Variants in RARG observed in about 807,000 individuals in gnomAD.
RARG encodes retinoic acid receptor gamma, also known as RAR-gamma.
RARG carries 17 observed loss-of-function variants against 43.7 expected under a neutral mutation model. The ratio of observed to expected loss-of-function variants is 0.39; its 90% CI spans 0.27 to 0.58. RARG has a LOEUF of 0.58. RARG is among the 20% of genes least tolerant of loss of function. The pLI, the probability that RARG is intolerant of heterozygous loss-of-function variation, is 0.57. For missense variants in RARG, 346 were observed against 598.7 expected, an observed-to-expected ratio of 0.58 and a Z score of 4.40; for synonymous variants, 238 against 236.4, an observed-to-expected ratio of 1.01 and a Z score of -0.06.
intron 5 of RARG, 22 bp from the exon 6 acceptor site, chr12:53,214,628 A>G: frequency 6.3e-7 from 1 of 1,588,838 alleles, no homozygotes; most frequent in South Asian, 1.1e-5. Flanking sequence ...AGGCGCAAGG[A>G]GAGGGTCAGG....
chr12:53,221,807 C>G (rs1332103227), intron 3 of RARG, among the ~76,000 whole-genome samples: 1 of 151,716 alleles, frequency 6.6e-6, no homozygotes, highest in East Asian at 1.9e-4. Context: ...GCGCCGCTCA[C>G]ACGGGCAGCG....
At chr12:53,222,938 C>G (rs1024532812) in intron 3 of RARG, among the ~76,000 whole-genome samples, 1 of 152,134 alleles carries the variant, frequency 6.6e-6, no homozygotes, top group Non-Finnish European at 1.5e-5. Context: ...TCACCCCCTT[C>G]CCTATGATCC....
intron 3 of RARG, among the ~76,000 whole-genome samples, chr12:53,224,848 C>G (rs1248438647): frequency 1.3e-5 from 2 of 152,170 alleles, no homozygotes; most frequent in Non-Finnish European, 2.9e-5. Flanking sequence ...GCATGGCCTT[C>G]GAAGATGGAG....
chr12:53,213,173 C>T lies in RARG; in HGVS notation c.1089G>A (p.Leu363=), dbSNP rs988755988. ...GGCTGGGCCGCCGGCGCCGGGCGTA[C>T]AGCCTCAGGGCTTCCAGCAGTGGCT... ...LQEPLLEALR[L]YARRRRPSQP... is the part of the protein sequence containing the mutation. The change falls in exon 9 of 10, where the codon CTG becomes CTA. Residue 363 remains leucine, a synonymous_variant. Transcript: ENST00000425354. The surrounding 1 kb of genome is among the most constrained non-coding windows in gnomAD (Gnocchi z 4.7). The T allele has an allele frequency of 1.2e-6, 2 of 1,611,828 alleles. No homozygotes were observed. The highest frequency in any genetic ancestry group is 1.7e-6 in the Non-Finnish European group (2 of 1,178,016).
In RARG at chr12:53,213,938, T is replaced by G; in HGVS notation, c.813+121A>C. The stretch of plus-strand genomic sequence containing the variant: ...GCAGAGGCTAAGACGAAAAGAGAGC[T>G]GAGGAGTCCCACATGTGTGGCAGGG... On this transcript the variant is annotated intron_variant, in intron 7 of 9. Transcript: ENST00000425354. The surrounding 1 kb of genome is among the most constrained non-coding windows in gnomAD (Gnocchi z 4.7). 1 of 1,245,682 alleles carries G rather than the reference T, an allele frequency of 8.0e-7. No homozygotes were observed. The highest frequency in any genetic ancestry group is 1.4e-5 in the South Asian group (1 of 72,074). 77.2% of individuals were successfully genotyped at this position (1,245,682 alleles called of 1,614,324 possible). A position where few individuals can be genotyped will look rare whatever the true frequency, so the allele number is the denominator to read the frequency against.
intron 3 of RARG, among the ~76,000 whole-genome samples, chr12:53,220,883 G>C (rs1320608964): frequency 6.6e-6 from 1 of 152,124 alleles, no homozygotes; most frequent in African/African-American, 2.4e-5. Context: ...CTGAGGCTCG[G>C]GACCTGCACT....
rs1943132918 is a variant in RARG, at chr12:53,227,342, C to A, written c.184+20G>T. On this transcript the variant is annotated intron_variant, in intron 3 of 9. Coordinates refer to ENST00000425354, the MANE Select transcript of RARG (RefSeq NM_000966.6). The surrounding 1 kb of genome is among the most constrained non-coding windows in gnomAD (Gnocchi z 4.3). ...TCTTGTTAACATTTGCCTTCATTCC[C>A]CAAGATCCCTGAGACTCACACAGAG... The A allele has an allele frequency of 3.3e-6, 5 of 1,513,262 alleles. No individual in the cohort carries two copies. Among genetic ancestry groups the A allele is most frequent in the Admixed American group, 2.3e-5 (1 of 43,460 alleles). The allele number at this position is 1,513,262 out of a possible 1,614,324, so 93.7% of individuals were successfully genotyped here.
chr12:53,214,791 C>T, intron 5 of RARG, 185 bp from the exon 6 acceptor site: 1 of 629,980 alleles, frequency 1.6e-6, no homozygotes, highest in East Asian at 2.9e-5. Flanking sequence ...CTCCCCAGCC[C>T]CACCCAGGGC....
At chr12:53,229,654 T>C (rs1186835828) in intron 2 of RARG, among the ~76,000 whole-genome samples, 1 of 152,184 alleles carries the variant, frequency 6.6e-6, no homozygotes, top group Non-Finnish European at 1.5e-5. Flanking sequence ...AGCCAGGAGT[T>C]TGGGGGCCCC....
At position 53,213,926 on chromosome 12, in the gene RARG, C is replaced by G; in HGVS notation, c.813+133G>C. On this transcript the variant is annotated intron_variant, in intron 7 of 9. Transcript: ENST00000425354. This position sits in a 1 kb window ranked among gnomAD's most constrained non-coding sequence, Gnocchi z 4.7. Reference sequence around the variant, plus strand: ...CAGGTCATAGGGGCAGAGGCTAAGACGAAAAGAGAGCTGAGGAGTCCCACA... The same window carrying G: ...CAGGTCATAGGGGCAGAGGCTAAGAGGAAAAGAGAGCTGAGGAGTCCCACA... 8.3e-7 allele frequency: 1 copy of G among 1,210,438 alleles called. No individual in the cohort carries two copies. The highest frequency in any genetic ancestry group is 1.2e-6 in the Non-Finnish European group (1 of 858,188). 75.0% of individuals were successfully genotyped at this position (1,210,438 alleles called of 1,614,324 possible).
At chr12:53,219,587 C>T (rs999415932) in intron 3 of RARG, among the ~76,000 whole-genome samples, 1 of 152,352 alleles carries the variant, frequency 6.6e-6, no homozygotes, top group Admixed American at 6.5e-5. Context: ...TTTAACACTG[C>T]CAGCTTCCCA....
chr12:53,214,901 G>T, intron 5 of RARG: 1 of 432,292 alleles, frequency 2.3e-6, no homozygotes, highest in Non-Finnish European at 4.2e-6. Context: ...GCAGGCGGCA[G>T]GATATCCACT....
intron 3 of RARG, chr12:53,220,006 C>T (rs547608458): frequency 6.6e-7 from 1 of 1,523,626 alleles, no homozygotes; most frequent in African/African-American, 1.4e-5. Context: ...GAAACAGGAG[C>T]CGCCGGTGGC....
At chr12:53,230,754 G>A (rs2120746459) in intron 2 of RARG, among the ~76,000 whole-genome samples, 1 of 152,006 alleles carries the variant, frequency 6.6e-6, no homozygotes, top group East Asian at 1.9e-4. Context: ...CCAGTTAGGT[G>A]GCTTTCTGAG....
chr12:53,228,503 T>C (rs901783834), intron 2 of RARG, among the ~76,000 whole-genome samples: 1 of 152,168 alleles, frequency 6.6e-6, no homozygotes, highest in Non-Finnish European at 1.5e-5. Flanking sequence ...CCCTCTCTGT[T>C]TTCCTCAACA....
chr12:53,214,345 C>T lies in RARG; in HGVS notation c.636+101G>A. The T allele has an allele frequency of 1.9e-6, 3 of 1,541,032 alleles. No individual in the cohort carries two copies. The South Asian group carries it at 3.5e-5, about 18-fold the overall frequency. ...CTCTCCTCTGCATTCTGATGCCCTC[C>T]TTGTCCTCAGCACCAGTCGATGATA... On this transcript the variant is annotated intron_variant, in intron 6 of 9. Transcript: ENST00000425354.
chr12:53,220,399 GGGGGGTGGGGCTTGGAGAGCGAA>G, intron 3 of RARG: 1 of 154,428 alleles, frequency 6.5e-6, no homozygotes, highest in Non-Finnish European at 1.3e-5. Flanking sequence ...CTGGAGGGGT[GGGGGGTGGGGCTTGGAGAGCGAA>G]GGGGGCCGGG....
At position 53,213,881 on chromosome 12, in the gene RARG, G is replaced by T; in HGVS notation, c.813+178C>A. Reference sequence around the variant, plus strand: ...GTCCCGGGAAGTCAGGAGGAGACAGGGCATCCAAAAGTCTAGGATCAGGTC... The same window carrying T: ...GTCCCGGGAAGTCAGGAGGAGACAGTGCATCCAAAAGTCTAGGATCAGGTC... On this transcript the variant is annotated intron_variant, in intron 7 of 9. Coordinates refer to ENST00000425354, the MANE Select transcript of RARG (RefSeq NM_000966.6). This position sits in a 1 kb window ranked among gnomAD's most constrained non-coding sequence, Gnocchi z 4.7. The T allele has an allele frequency of 9.4e-7, 1 of 1,060,116 alleles. No homozygotes were observed. The highest frequency in any genetic ancestry group is 1.4e-6 in the Non-Finnish European group (1 of 724,262). 65.7% of individuals were successfully genotyped at this position (1,060,116 alleles called of 1,614,324 possible).
intron 3 of RARG, among the ~76,000 whole-genome samples, chr12:53,220,835 A>C (rs1227856533): frequency 6.6e-6 from 1 of 152,050 alleles, no homozygotes; most frequent in Non-Finnish European, 1.5e-5. Flanking sequence ...ATGACTGGGG[A>C]GAGGGGAACG....
Sources: gnomAD v4.1 joint callset for allele counts (sites outside exome capture counted in the v4.1 genomes callset) on GRCh38, gnomAD v4.1.1 for gene constraint, Gnocchi (gnomAD v3.1) non-coding constraint, MANE v1.5 for transcripts, NCBI Gene and HGNC (gene_info 2026-07-23, HGNC 2026-07-21) for gene names.